COL4A1: variants seen among roughly 807,000 people sequenced by gnomAD.
COL4A1 encodes the protein collagen type IV alpha 1 chain, also known as collagen alpha-1(IV) chain.
In COL4A1, 40 loss-of-function variants were observed where a neutral mutation model predicts 216.6. The ratio of observed to expected loss-of-function variants is 0.18; its 90% CI spans 0.14 to 0.24. COL4A1 has a LOEUF of 0.24. Ranked by LOEUF, COL4A1 falls within the 10% of genes least tolerant of loss-of-function variation. The pLI is 1.00. For synonymous variants in COL4A1, 839 were observed against 810.7 expected, an observed-to-expected ratio of 1.03 and a Z score of -0.59; for missense variants, 1,628 against 2,196.8, an observed-to-expected ratio of 0.74 and a Z score of 5.18.
intron 50 of COL4A1, among the ~76,000 whole-genome samples, chr13:110,154,779 T>TACAGAGAAGCTGGTC (rs1876695424): frequency 6.6e-6 from 1 of 152,204 alleles, no homozygotes. Context: ...AAGCTGGTCA[T>TACAGAGAAGCTGGTC]ATAGAGAAGC....
At chr13:110,283,013 C>T (rs1226313654) in intron 1 of COL4A1, among the ~76,000 whole-genome samples, 1 of 152,178 alleles carries the variant, frequency 6.6e-6, no homozygotes, top group African/African-American at 2.4e-5. Context: ...GGGGCCTCAC[C>T]TCCAAGCATA....
In COL4A1 at chr13:110,161,091, T is replaced by G; in HGVS notation, c.4640+101A>C. On this transcript the variant is annotated intron_variant, in intron 49 of 51. Coordinates refer to ENST00000375820, the MANE Select transcript of COL4A1 (RefSeq NM_001845.6). ...TCACAAATAATAAGCTAAATGGCAA[T>G]GGATTCAACGTTTTGGAGAAAAATA... 11 of 1,214,476 alleles carry G rather than the reference T, an allele frequency of 9.1e-6. No homozygotes were observed. The South Asian group carries it at 1.4e-4, about 15-fold the overall frequency. The allele number at this position is 1,214,476 out of a possible 1,614,324, so 75.2% of individuals were successfully genotyped here.
chr13:110,222,717 G>A (rs377571453), intron 2 of COL4A1, among the ~76,000 whole-genome samples: 1 of 127,508 alleles, frequency 7.8e-6, no homozygotes, highest in African/African-American at 2.8e-5. Context: ...AGCTTGCAGT[G>A]AGCCGAGATC....
chr13:110,205,268 G>A (rs1879439075), intron 17 of COL4A1, 85 bp downstream of exon 17: 1 of 1,514,014 alleles, frequency 6.6e-7, no homozygotes, highest in Admixed American at 1.7e-5. Flanking sequence ...TGAGTACAGA[G>A]TCCTTTATTC....
chr13:110,219,880 ATATATATGTGTGTATATATATG>A (rs1566385991), intron 2 of COL4A1, among the ~76,000 whole-genome samples: 1 of 103,110 alleles, frequency 9.7e-6, no homozygotes, highest in East Asian at 2.8e-4. Flanking sequence ...GTATATATGT[ATATATATGTGTGTATATATATG>A]TATATATATG....
At chr13:110,273,580 T>C (rs192278377) in intron 1 of COL4A1, among the ~76,000 whole-genome samples, 9 of 152,192 alleles carry the variant, frequency 5.9e-5, no homozygotes, top group South Asian at 2.1e-4. Flanking sequence ...GTTAACTGTC[T>C]GGTTGGAAAA....
intron 2 of COL4A1, among the ~76,000 whole-genome samples, 179 bp downstream of exon 2, chr13:110,242,496 A>AAT: frequency 6.6e-6 from 1 of 152,250 alleles, no homozygotes; most frequent in Non-Finnish European, 1.5e-5. Flanking sequence ...CTATTATAAT[A>AAT]ATATTACTAC....
intron 18 of COL4A1, among the ~76,000 whole-genome samples, chr13:110,202,238 T>TAAAAA (rs564963734): frequency 2.5e-5 from 3 of 121,112 alleles, no homozygotes; most frequent in African/African-American, 5.9e-5. Flanking sequence ...GGAACACTCT[T>TAAAAA]AAAAAAAAAA....
rs559680585 is a variant in COL4A1, at chr13:110,214,144, A to C, written c.145-129T>G. ...AGTCTCATTCTGTTGCCCAGGCTGG[A>C]GTGCATGCACGATCTCGGCTCACTG... On this transcript the variant is annotated intron_variant, in intron 2 of 51. Transcript: ENST00000375820. The C allele has an allele frequency of 5.2e-6, 4 of 769,718 alleles. No homozygotes were observed. The Admixed American group carries it at 8.2e-5, about 16-fold the overall frequency. 47.7% of individuals were successfully genotyped at this position (769,718 alleles called of 1,614,324 possible).
intron 1 of COL4A1, among the ~76,000 whole-genome samples, chr13:110,284,035 C>A (rs1883743030): frequency 6.6e-6 from 1 of 152,170 alleles, no homozygotes; most frequent in African/African-American, 2.4e-5. Context: ...GCAAAGGGTC[C>A]TTCAGCAAAG....
chr13:110,171,679 G>T (rs964878355), intron 41 of COL4A1, among the ~76,000 whole-genome samples: 6 of 152,218 alleles, frequency 3.9e-5, no homozygotes, highest in African/African-American at 1.4e-4. Context: ...GATTCTCCCT[G>T]CTATTTCACA....
intron 49 of COL4A1, among the ~76,000 whole-genome samples, chr13:110,159,648 C>T (rs1330252852): frequency 2.0e-5 from 3 of 152,216 alleles, no homozygotes; most frequent in Non-Finnish European, 4.4e-5. Context: ...AATATTTTCA[C>T]ACCCATGTTC....
intron 1 of COL4A1, among the ~76,000 whole-genome samples, chr13:110,294,741 T>C (rs9301443): frequency 0.78 from 119,330 of 152,160 alleles, 47,564 homozygotes; most frequent in East Asian, 0.93. Context: ...AGGGATATCC[T>C]TTTAAATAAT....
intron 1 of COL4A1, among the ~76,000 whole-genome samples, chr13:110,292,110 C>T (rs1288149335): frequency 6.6e-6 from 1 of 152,176 alleles, no homozygotes; most frequent in Non-Finnish European, 1.5e-5. Context: ...CTGCCTGCCG[C>T]TGAGAGCCAA....
intron 13 of COL4A1, 88 bp from the exon 14 acceptor site, chr13:110,206,979 A>T: frequency 7.0e-6 from 10 of 1,426,438 alleles, no homozygotes; most frequent in Middle Eastern, 1.8e-4. Context: ...GAAAAAAAAA[A>T]AACCTTTTTC....
Position 110,183,190 on chromosome 13 carries a change from G to T in COL4A1, c.1984C>A (p.Pro662Thr), listed in dbSNP as rs544300625. ...GLPGSPGFPG[P>T]QGDRGFPGTP... ...GCTGGAATTCCAATCGTACCTTGGGGACCTGGGAAGCCTGGGGACCCCGGC... is the reference window on the plus strand; with the variant it reads ...GCTGGAATTCCAATCGTACCTTGGGTACCTGGGAAGCCTGGGGACCCCGGC... Residue 662 changes from proline (P) to threonine (T), a missense_variant, in exon 27 of 52, where the codon CCC (proline) becomes ACC (threonine). Physicochemically the swap from Pro to Thr is conservative, Grantham distance 38. Around this residue, in one of 8 missense-constraint regions of COL4A1, gnomAD observed 701 missense variants for 892.5 expected, o/e 0.79. Coordinates refer to ENST00000375820, the MANE Select transcript of COL4A1 (RefSeq NM_001845.6). 6.2e-7 allele frequency: 1 copy of T among 1,613,886 alleles called. No homozygotes were observed. The highest frequency in any genetic ancestry group is 2.2e-5 in the East Asian group (1 of 44,878).
chr13:110,247,649 C>T (rs935381053), intron 1 of COL4A1, among the ~76,000 whole-genome samples: 3 of 151,848 alleles, frequency 2.0e-5, no homozygotes, highest in African/African-American at 7.2e-5. Context: ...CTGGTTTTCT[C>T]GCATCTACAG....
chr13:110,296,512 T>C (rs946443479), intron 1 of COL4A1, among the ~76,000 whole-genome samples: 5 of 152,272 alleles, frequency 3.3e-5, no homozygotes, highest in African/African-American at 1.2e-4. Context: ...AATGCTCATC[T>C]GAAGATACAA....
intron 24 of COL4A1, chr13:110,191,242 C>T (rs1197615344): frequency 4.5e-5 from 7 of 156,132 alleles, no homozygotes; most frequent in Non-Finnish European, 8.5e-5. Context: ...TTTCAACTCG[C>T]TTTTGCCCTG....
Sources: gnomAD v4.1 joint callset for allele counts (sites outside exome capture counted in the v4.1 genomes callset) on GRCh38, gnomAD v4.1.1 for gene constraint, gnomAD v4.1.1 regional missense constraint, MANE v1.5 for transcripts, NCBI Gene and HGNC (gene_info 2026-07-23, HGNC 2026-07-21) for gene names.